DTYMK: variants seen among roughly 807,000 people sequenced by gnomAD.
The protein encoded by DTYMK is thymidylate kinase.
In DTYMK, 20 loss-of-function variants were observed where a neutral mutation model predicts 20.3. That is an observed-to-expected ratio of 0.99 (90% CI 0.69 to 1.43). The LOEUF is 1.43. DTYMK is among the 40% of genes most tolerant of loss of function. The pLI, the probability that DTYMK is intolerant of heterozygous loss-of-function variation, is 0.00. For synonymous variants in DTYMK, 148 were observed against 124.4 expected, an observed-to-expected ratio of 1.19 and a Z score of -1.27; for missense variants, 320 against 291.1, an observed-to-expected ratio of 1.10 and a Z score of -0.72.
rs1011116139 is a variant in DTYMK, at chr2:241,680,265, G to A, written c.294C>T (p.Tyr98=). The change falls in exon 3 of 5, where the codon TAC becomes TAT. Residue 98 remains tyrosine (Y), a synonymous_variant. Coordinates refer to ENST00000305784, the MANE Select transcript of DTYMK (RefSeq NM_012145.4). The part of the protein sequence containing the change: ...SQGVTLVVDR[Y]AFSGVAFTGA... The stretch of plus-strand genomic sequence containing the variant: ...CGGTGAAGGCCACACCAGAAAATGC[G>A]TATCTGTCCACGACGAGGGTCACGC... 8 of 1,614,178 alleles carry A rather than the reference G, an allele frequency of 5.0e-6. No homozygotes were observed. Among genetic ancestry groups the A allele is most frequent in the Non-Finnish European group, 5.9e-6 (7 of 1,180,028 alleles).
intron 2 of DTYMK, among the ~76,000 whole-genome samples, chr2:241,683,627 T>C (rs1044781505): frequency 3.9e-5 from 6 of 152,176 alleles, no homozygotes; most frequent in Non-Finnish European, 8.8e-5. Flanking sequence ...TGAAAGCTTA[T>C]GACCACACAA....
chr2:241,677,953 A>C (rs1185139719), intron 4 of DTYMK, among the ~76,000 whole-genome samples: 1 of 152,206 alleles, frequency 6.6e-6, no homozygotes, highest in East Asian at 1.9e-4. Flanking sequence ...GCCAAATGTC[A>C]ACATTTAGCA....
intron 3 of DTYMK, among the ~76,000 whole-genome samples, chr2:241,678,869 GTAGA>G (rs1486573838): frequency 6.6e-6 from 1 of 152,186 alleles, no homozygotes; most frequent in Non-Finnish European, 1.5e-5. Flanking sequence ...AGAAAAGTAG[GTAGA>G]TAGAACGGCT....
intron 2 of DTYMK, chr2:241,681,871 C>A: frequency 5.5e-6 from 1 of 180,576 alleles, no homozygotes; most frequent in Non-Finnish European, 1.2e-5. Flanking sequence ...TAGTGAGACC[C>A]CATCTCTACA....
At chr2:241,678,376 C>T (rs934126007) in intron 4 of DTYMK, 76 bp downstream of exon 4, 12 of 1,587,988 alleles carry the variant, frequency 7.6e-6, no homozygotes, top group Middle Eastern at 2.0e-4. Context: ...TTTGCTGACA[C>T]AACTGTGCCA....
chr2:241,680,913 T>C (rs1295098114), intron 2 of DTYMK, among the ~76,000 whole-genome samples: 8 of 152,174 alleles, frequency 5.3e-5, no homozygotes, highest in Admixed American at 3.3e-4. Context: ...GGAGATGCAC[T>C]GTCAGCTGTC....
chr2:241,677,622 G>A (rs2069146839), intron 4 of DTYMK, among the ~76,000 whole-genome samples: 1 of 152,230 alleles, frequency 6.6e-6, no homozygotes, highest in Non-Finnish European at 1.5e-5. Context: ...ACGGGCGACT[G>A]GAGTCTGGGA....
Position 241,685,865 on chromosome 2 carries a change from T to C in DTYMK, c.143A>G (p.Glu48Gly). ...GTAGGAACTCAGAAGTTTGCCGATT[T>C]CAGTTGATCTTTCTAGAAAAAAAGA... ...ELLRFPERST[E>G]IGKLLSSYLQ... The change falls in exon 2 of 5, where the codon GAA (glutamate) becomes GGA (glycine). Residue 48 changes from glutamate to glycine, a missense_variant. By Grantham distance (98) the Glu-to-Gly change is moderately conservative. Transcript: ENST00000305784. The C allele has an allele frequency of 6.2e-7, 1 of 1,614,112 alleles. No individual in the cohort carries two copies. Among genetic ancestry groups the C allele is most frequent in the Non-Finnish European group, 8.5e-7 (1 of 1,179,964 alleles).
chr2:241,676,035 G>C lies in DTYMK; in HGVS notation c.*92C>G. 2.5e-6 allele frequency: 3 copies of C among 1,181,998 alleles called. No individual in the cohort carries two copies. The highest frequency in any genetic ancestry group is 3.5e-6 in the Non-Finnish European group (3 of 864,760). 73.2% of individuals were successfully genotyped at this position (1,181,998 alleles called of 1,614,324 possible). A position where few individuals can be genotyped will look rare whatever the true frequency, so the allele number is the denominator to read the frequency against. ...CCGGGAAAGAGCTCCTGAAGTTGTG[G>C]GGTCTGGACTCTGCTGGGGACGGGG... On this transcript the variant is annotated 3_prime_UTR_variant, in exon 5 of 5. Coordinates refer to ENST00000305784, the MANE Select transcript of DTYMK (RefSeq NM_012145.4).
At position 241,680,307 on chromosome 2, in the gene DTYMK, CTTAA is replaced by C. The variant is rs753167041; in HGVS notation, c.248_251del (p.Ile83ArgfsTer4). The C allele has an allele frequency of 4.6e-5, 74 of 1,614,016 alleles. No homozygotes were observed. Among genetic ancestry groups the C allele is most frequent in the Non-Finnish European group, 5.7e-5 (67 of 1,180,012 alleles). On this transcript the variant is annotated frameshift_variant, in exon 3 of 5. Coordinates refer to ENST00000305784, the MANE Select transcript of DTYMK (RefSeq NM_012145.4). LOFTEE classifies it high-confidence loss of function. ...GGGTCACGCCCTGGCTCAACTTTTC[CTTAA>C]TTAACGGCCTGAAAAAGAGGATGCT...
intron 2 of DTYMK, chr2:241,685,215 AAGG>A (rs1056515001): frequency 4.6e-5 from 7 of 153,296 alleles, no homozygotes; most frequent in African/African-American, 1.7e-4. Context: ...ATAAAAAAAA[AAGG>A]GCCAGGTACG....
In DTYMK at chr2:241,678,634, A is replaced by T; in HGVS notation, c.346T>A (p.Trp116Arg). Residue 116 changes from tryptophan to arginine, a missense_variant, in exon 4 of 5, where the codon TGG becomes AGG. By Grantham distance (101) the Trp-to-Arg change is moderately radical (BLOSUM62 -3). Transcript: ENST00000305784. ...AGGCCCACGTCTGGCTGTTTACACCAATCTAGGGAAAAATTCTGCCAAGAA... is the reference window on the plus strand; with the variant it reads ...AGGCCCACGTCTGGCTGTTTACACCTATCTAGGGAAAAATTCTGCCAAGAA... ...TGAKENFSLDWCKQPDVGLPK... is the reference protein window; with the variant it reads ...TGAKENFSLDRCKQPDVGLPK... 1.2e-6 allele frequency: 2 copies of T among 1,614,106 alleles called. No homozygotes were observed. Among genetic ancestry groups the T allele is most frequent in the Non-Finnish European group, 1.7e-6 (2 of 1,180,000 alleles).
At position 241,686,779 on chromosome 2, in the gene DTYMK, G is replaced by C; in HGVS notation, c.5C>G (p.Ala2Gly). The C allele has an allele frequency of 2.7e-6, 4 of 1,461,046 alleles. No individual in the cohort carries two copies. The highest frequency in any genetic ancestry group is 3.6e-6 in the Non-Finnish European group (4 of 1,120,656). The allele number at this position is 1,461,046 out of a possible 1,614,324, so 90.5% of individuals were successfully genotyped here. M[A>G]ARRGALIVLE... ...CACTATGAGAGCCCCGCGCCGGGCC[G>C]CCATGACTGTCCACCGCCCGCCGCT... The change falls in exon 1 of 5, where the codon GCG (alanine) becomes GGG (glycine). Residue 2 changes from alanine (A) to glycine (G), a missense_variant. Coordinates refer to ENST00000305784, the MANE Select transcript of DTYMK (RefSeq NM_012145.4).
chr2:241,675,895 G>T lies in DTYMK; in HGVS notation c.*232C>A. 1 of 456,872 alleles carries T rather than the reference G, an allele frequency of 2.2e-6. No individual in the cohort carries two copies. The highest frequency in any genetic ancestry group is 3.9e-6 in the Non-Finnish European group (1 of 256,462). 28.3% of individuals were successfully genotyped at this position (456,872 alleles called of 1,614,324 possible). On this transcript the variant is annotated 3_prime_UTR_variant, in exon 5 of 5. Transcript: ENST00000305784. ...AGAGTGCCATCAGGACAGGGGAGAG[G>T]GCAGGAGACTGCTCCATCGCTCTGC...
At chr2:241,677,097 T>C (rs1257750063) in intron 4 of DTYMK, among the ~76,000 whole-genome samples, 1 of 152,248 alleles carries the variant, frequency 6.6e-6, no homozygotes, top group African/African-American at 2.4e-5. Flanking sequence ...AGCGCTGGCA[T>C]CTCAGCGGCA....
chr2:241,679,377 A>C (rs945873987), intron 3 of DTYMK, among the ~76,000 whole-genome samples: 11 of 152,224 alleles, frequency 7.2e-5, no homozygotes, highest in Admixed American at 1.3e-4. Flanking sequence ...CAGCAGGAAG[A>C]AGCAAAGGAA....
chr2:241,682,211 C>A (rs968779928), intron 2 of DTYMK: 1 of 452,718 alleles, frequency 2.2e-6, no homozygotes, highest in East Asian at 7.0e-5. Flanking sequence ...GGTGTGTTAA[C>A]GTGCCTATAG....
At chr2:241,681,991 C>T (rs2069267790) in intron 2 of DTYMK, 1 of 304,430 alleles carries the variant, frequency 3.3e-6, no homozygotes, top group African/African-American at 2.3e-5. Flanking sequence ...CTGCAGTAAG[C>T]TGTGATCATG....
At chr2:241,680,806 C>T (rs1331531785) in intron 2 of DTYMK, among the ~76,000 whole-genome samples, 1 of 152,216 alleles carries the variant, frequency 6.6e-6, no homozygotes, top group Non-Finnish European at 1.5e-5. Flanking sequence ...GCCATACCCA[C>T]ACCTCCAGCA....
Sources: gnomAD v4.1 joint callset for allele counts (sites outside exome capture counted in the v4.1 genomes callset) on GRCh38, gnomAD v4.1.1 for gene constraint, MANE v1.5 for transcripts, NCBI Gene and HGNC (gene_info 2026-07-23, HGNC 2026-07-21) for gene names.